Variants in MELK observed in about 807,000 individuals in gnomAD.
MELK encodes pEg3 kinase.
MELK carries 81 observed loss-of-function variants against 85.0 expected under a neutral mutation model. That is an observed-to-expected ratio of 0.95 (90% CI 0.80 to 1.15). The LOEUF is 1.15. MELK is among the 50% of genes most tolerant of loss of function. The probability of loss-of-function intolerance (pLI) is 0.00; values close to 1 mark genes in which losing one functional copy is unlikely to be tolerated. For missense variants in MELK, 754 were observed against 777.5 expected (o/e 0.97, Z 0.36); for synonymous variants, 252 against 265.0 (o/e 0.95, Z 0.48).
Position 36,667,451 on chromosome 9 carries a change from C to A in MELK, c.1409-1859C>A, listed in dbSNP as rs371160648. Among the ~76,000 whole-genome samples, 7 of 152,294 alleles carry A rather than the reference C, an allele frequency of 4.6e-5. No individual in the cohort carries two copies. In the South Asian group the frequency reaches 1.4e-3, roughly 32 times the overall value. ...GATTATAGGCGTGGGCCATTGTGCC[C>A]GGCCCAGGGCTTTTTTATTTAAAAA... On this transcript the variant is annotated intron_variant, in intron 14 of 17. Transcript: ENST00000298048.
At chr9:36,641,127 G>A (rs1352549676) in intron 10 of MELK, among the ~76,000 whole-genome samples, 2 of 152,156 alleles carry the variant, frequency 1.3e-5, no homozygotes, top group Admixed American at 6.6e-5. Flanking sequence ...GGAGGTTGGC[G>A]GAACTAGAAA....
At chr9:36,582,486 T>G (rs774970729) in intron 2 of MELK, among the ~76,000 whole-genome samples, 2 of 151,290 alleles carry the variant, frequency 1.3e-5, no homozygotes, top group African/African-American at 2.5e-5. Flanking sequence ...GAGGGTGATG[T>G]AAAAGCAGTG....
Position 36,655,145 on chromosome 9 carries a change from T to C in MELK, c.1054-2096T>C, listed in dbSNP as rs542657944. 5.9e-5 allele frequency among the ~76,000 whole-genome samples: 9 copies of C among 152,310 alleles called. No individual in the cohort carries two copies. In the East Asian group the frequency reaches 1.5e-3, roughly 26 times the overall value. On this transcript the variant is annotated intron_variant, in intron 12 of 17. Coordinates refer to ENST00000298048, the MANE Select transcript of MELK (RefSeq NM_014791.4). ...CCATGCTGGGCTGCTGGGAAACATA[T>C]CTGTGTAAAGTATAATACTTGTTCT...
intron 14 of MELK, among the ~76,000 whole-genome samples, chr9:36,668,000 C>T (rs1177222183): frequency 1.3e-5 from 2 of 152,200 alleles, no homozygotes; most frequent in Non-Finnish European, 2.9e-5. Context: ...AAACTCTTGA[C>T]CTCAGGTGAT....
chr9:36,648,874 A>T (rs1830448901), intron 11 of MELK, among the ~76,000 whole-genome samples: 1 of 152,184 alleles, frequency 6.6e-6, no homozygotes, highest in South Asian at 2.1e-4. Flanking sequence ...ACAACCAAAA[A>T]TCACTAGAAA....
chr9:36,607,235 T>G (rs1173509537), intron 7 of MELK, among the ~76,000 whole-genome samples: 1 of 152,190 alleles, frequency 6.6e-6, no homozygotes, highest in Non-Finnish European at 1.5e-5. Context: ...ACCTAAACCT[T>G]CAGTAGCACT....
chr9:36,666,995 G>T (rs1832441771), intron 14 of MELK, among the ~76,000 whole-genome samples: 1 of 151,562 alleles, frequency 6.6e-6, no homozygotes. Context: ...AATGGTAGCT[G>T]CTATTGCATT....
At chr9:36,669,938 T>G (rs988323557) in intron 15 of MELK, among the ~76,000 whole-genome samples, 1 of 152,202 alleles carries the variant, frequency 6.6e-6, no homozygotes. Context: ...ATTATTAATT[T>G]ATTGATGAAG....
intron 11 of MELK, among the ~76,000 whole-genome samples, chr9:36,643,524 TA>T (rs2136967431): frequency 1.3e-5 from 2 of 152,338 alleles, no homozygotes; most frequent in South Asian, 4.1e-4. Flanking sequence ...ATATTGCATT[TA>T]AAAAATATTT....
At chr9:36,650,579 A>C (rs979064605) in intron 11 of MELK, among the ~76,000 whole-genome samples, 3 of 152,238 alleles carry the variant, frequency 2.0e-5, no homozygotes, top group African/African-American at 7.2e-5. Context: ...GCTTAACCAA[A>C]TCAGAATCAA....
rs772468153 is a variant in MELK at position 36,677,211 on chromosome 9, A to C, written c.1830A>C (p.Gln610His). Residue 610 changes from glutamine (Q) to histidine (H), a missense_variant, in exon 18 of 18, where the codon CAA (glutamine) becomes CAC (histidine). Transcript: ENST00000298048. ...CAGATTTTGGGAAAGTGACAATGCA[A>C]TTTGAATTAGAAGTGTGCCAGCTTC... ...TQSDFGKVTM[Q>H]FELEVCQLQK... 6.2e-7 allele frequency: 1 copy of C among 1,614,006 alleles called. No homozygotes were observed. Among genetic ancestry groups the C allele is most frequent in the South Asian group, 1.1e-5 (1 of 90,996 alleles).
At chr9:36,668,757 CCCT>C (rs1216557000) in intron 14 of MELK, among the ~76,000 whole-genome samples, 5 of 152,128 alleles carry the variant, frequency 3.3e-5, no homozygotes, top group Admixed American at 3.3e-4. Flanking sequence ...TCATGATCCG[CCCT>C]CCTCGGCCTC....
chr9:36,629,843 G>GTTTTTTT (rs11298711), intron 8 of MELK, among the ~76,000 whole-genome samples: 15 of 111,464 alleles, frequency 1.3e-4, no homozygotes, highest in East Asian at 8.1e-4. Context: ...GCAAGAAATT[G>GTTTTTTT]TTTTTTTTTT....
intron 8 of MELK, among the ~76,000 whole-genome samples, chr9:36,618,118 A>G (rs1212597861): frequency 6.7e-6 from 1 of 148,810 alleles, no homozygotes; most frequent in Non-Finnish European, 1.5e-5. Context: ...CATAGACTCC[A>G]TGTCTTTAAA....
intron 16 of MELK, among the ~76,000 whole-genome samples, chr9:36,672,592 G>C (rs1370524119): frequency 6.6e-6 from 1 of 152,192 alleles, no homozygotes; most frequent in African/African-American, 2.4e-5. Flanking sequence ...GGAATGAGAA[G>C]ACCTGGGTTC....
At chr9:36,656,252 G>A (rs901533396) in intron 12 of MELK, among the ~76,000 whole-genome samples, 2 of 152,136 alleles carry the variant, frequency 1.3e-5, no homozygotes, top group Admixed American at 6.5e-5. Flanking sequence ...CCTATATTTC[G>A]AAGTTGTTTC....
chr9:36,623,702 T>C (rs943614211), intron 8 of MELK, among the ~76,000 whole-genome samples: 2 of 152,260 alleles, frequency 1.3e-5, no homozygotes, highest in African/African-American at 4.8e-5. Context: ...CTTTAGCCTT[T>C]CTTGCTGCAC....
intron 15 of MELK, 151 bp from the exon 16 acceptor site, chr9:36,670,847 T>C: frequency 1.3e-6 from 1 of 750,356 alleles, no homozygotes; most frequent in Non-Finnish European, 2.0e-6. Context: ...GAGATGGCTT[T>C]GGTGCTTCCT....
At position 36,586,545 on chromosome 9, in the gene MELK, A is replaced by T. The variant is rs541238896; in HGVS notation, c.144+2833A>T. ...TCAATTTTTTGTTTTCTATTTATTA[A>T]TCTAAGAAAAAAGCATTAAAACCAT... is the stretch of plus-strand genomic sequence containing the variant. On this transcript the variant is annotated intron_variant, in intron 3 of 17. Coordinates refer to ENST00000298048, the MANE Select transcript of MELK (RefSeq NM_014791.4). Among the ~76,000 whole-genome samples, 5 of 152,236 alleles carry T rather than the reference A, an allele frequency of 3.3e-5. No individual in the cohort carries two copies. The South Asian group carries it at 1.0e-3, about 32-fold the overall frequency.
Sources: gnomAD v4.1 joint callset for allele counts (sites outside exome capture counted in the v4.1 genomes callset) on GRCh38, gnomAD v4.1.1 for gene constraint, MANE v1.5 for transcripts, NCBI Gene and HGNC (gene_info 2026-07-23, HGNC 2026-07-21) for gene names.